TTC23L: variants seen among roughly 807,000 people sequenced by gnomAD.
TTC23L encodes tetratricopeptide repeat domain 23 like.
In TTC23L, 42 loss-of-function variants were observed where a neutral mutation model predicts 48.1. The ratio of observed to expected loss-of-function variants is 0.87; its 90% confidence interval spans 0.68 to 1.13. TTC23L has a LOEUF of 1.13. Among genes scored for constraint, TTC23L ranks in the 50% most tolerant of loss-of-function variants. The pLI is 0.00. For synonymous variants in TTC23L, 159 were observed against 157.2 expected, an observed-to-expected ratio of 1.01 and a Z score of -0.09; for missense variants, 391 against 421.0, an observed-to-expected ratio of 0.93 and a Z score of 0.62.
rs377752510 is a variant in TTC23L at position 34,864,539 on chromosome 5, C to T, written c.639C>T (p.Asn213=). The change falls in exon 6 of 11, where the codon AAC becomes AAT. Residue 213 remains asparagine (N), a synonymous_variant. Transcript: ENST00000505624. ...TTTGTGAATTACAAGTCTCTGAGAA[C>T]GACCTAACACTTGCTTTGGGCAGGT... 3.8e-5 allele frequency: 61 copies of T among 1,613,206 alleles called. No homozygotes were observed. In the East Asian group the frequency reaches 4.7e-4, roughly 12 times the overall value.
At position 34,896,759 on chromosome 5, in the gene TTC23L, A is replaced by G. The variant is rs1481569974; in HGVS notation, c.1078-11A>G. 1.3e-6 allele frequency: 1 copy of G among 769,710 alleles called. No individual in the cohort carries two copies. Among genetic ancestry groups the G allele is most frequent in the Non-Finnish European group, 2.4e-6 (1 of 412,780 alleles). 47.7% of individuals were successfully genotyped at this position (769,710 alleles called of 1,614,324 possible). A position where few individuals can be genotyped will look rare whatever the true frequency, so the allele number is the denominator to read the frequency against. On this transcript the variant is annotated splice_polypyrimidine_tract_variant and intron_variant, in intron 9 of 10. Coordinates refer to ENST00000505624, the Ensembl canonical transcript of TTC23L. Reference sequence around the variant, plus strand: ...TCATAGAGAGGGTGACATTTGAGCCATTTCTTAAAGGACAAGTAGCAGTTC... The same window carrying G: ...TCATAGAGAGGGTGACATTTGAGCCGTTTCTTAAAGGACAAGTAGCAGTTC...
Position 34,864,344 on chromosome 5 carries a change from T to G in TTC23L, c.537-93T>G, listed in dbSNP as rs926827917. ...GTACCCATTTTTAATATTGCTTCAC[T>G]TTTCCAAGAGCCCCTTTTGTTTCCT... On this transcript the variant is annotated intron_variant, in intron 5 of 10. Transcript: ENST00000505624. The G allele has an allele frequency of 4.8e-6, 7 of 1,472,002 alleles. No homozygotes were observed. The African/African-American group carries it at 9.9e-5, about 21-fold the overall frequency. 91.2% of individuals were successfully genotyped at this position (1,472,002 alleles called of 1,614,324 possible). A position where few individuals can be genotyped will look rare whatever the true frequency, so the allele number is the denominator to read the frequency against.
intron 9 of TTC23L, among the ~76,000 whole-genome samples, chr5:34,881,789 A>G (rs1015970995): frequency 1.4e-5 from 2 of 146,462 alleles, no homozygotes; most frequent in African/African-American, 2.5e-5. Flanking sequence ...TTTTTGAGAC[A>G]GAGTCACTCT....
chr5:34,900,680 A>G (rs555509107), downstream of TTC23L, among the ~76,000 whole-genome samples: 1 of 152,268 alleles, frequency 6.6e-6, no homozygotes, highest in East Asian at 1.9e-4. Flanking sequence ...TAATGTCATG[A>G]CTTCTACTTC....
chr5:34,845,466 T>G, intron 2 of TTC23L, 21 bp from the exon 3 acceptor site: 2 of 1,603,348 alleles, frequency 1.2e-6, no homozygotes, highest in Non-Finnish European at 1.7e-6. Context: ...TCCTGAATCC[T>G]TGCCTCTCTC....
At chr5:34,886,314 A>G (rs555164319) in intron 9 of TTC23L, among the ~76,000 whole-genome samples, 1 of 149,354 alleles carries the variant, frequency 6.7e-6, no homozygotes, top group African/African-American at 2.5e-5. Context: ...TTCTCCATAG[A>G]GCTCAGGGAA....
chr5:34,877,855 T>C (rs1761966291), intron 8 of TTC23L, among the ~76,000 whole-genome samples: 1 of 152,168 alleles, frequency 6.6e-6, no homozygotes. Flanking sequence ...GAAAAGGAAA[T>C]AAAAACTATA....
intron 9 of TTC23L, among the ~76,000 whole-genome samples, chr5:34,894,883 A>ATGATGATG (rs1561160710): frequency 2.0e-5 from 3 of 150,822 alleles, no homozygotes; most frequent in Non-Finnish European, 3.0e-5. Flanking sequence ...TGAGAGTGTT[A>ATGATGATG]ATGATGATGA....
intron 8 of TTC23L, among the ~76,000 whole-genome samples, chr5:34,872,056 T>A (rs1761502578): frequency 6.6e-6 from 1 of 150,440 alleles, no homozygotes; most frequent in South Asian, 2.1e-4. Flanking sequence ...GGTGAGAAGA[T>A]CACTTGAAGC....
intron 8 of TTC23L, among the ~76,000 whole-genome samples, chr5:34,870,137 T>A (rs1441855848): frequency 6.6e-6 from 1 of 151,910 alleles, no homozygotes; most frequent in African/African-American, 2.4e-5. Flanking sequence ...ATATACTAAT[T>A]TTTAACTTTA....
chr5:34,925,416 A>G, the TTC23L span: 6 of 1,613,890 alleles, frequency 3.7e-6, no homozygotes, highest in Non-Finnish European at 5.1e-6. Context: ...CCAAAAGTTG[A>G]TTTGAAAGCA....
intron 8 of TTC23L, among the ~76,000 whole-genome samples, chr5:34,870,438 T>C (rs1425059821): frequency 6.6e-6 from 1 of 152,170 alleles, no homozygotes; most frequent in Non-Finnish European, 1.5e-5. Flanking sequence ...AATAGACCCA[T>C]AACTATTTCT....
chr5:34,913,383 A>T, the TTC23L span: 1 of 699,602 alleles, frequency 1.4e-6, no homozygotes, highest in East Asian at 2.8e-5. Flanking sequence ...AGCTTTCTGA[A>T]CCAATGTTTA....
intron 4 of TTC23L, among the ~76,000 whole-genome samples, chr5:34,855,777 C>T (rs1016861058): frequency 6.6e-6 from 1 of 152,012 alleles, no homozygotes; most frequent in Admixed American, 6.6e-5. Context: ...GTTTATAATA[C>T]GCCTCTTTTT....
At position 34,896,951 on chromosome 5, in the gene TTC23L, T is replaced by A. The variant is rs1157086019; in HGVS notation, c.*97+76T>A. Reference sequence around the variant, plus strand: ...CAAGAAATGCTGATTCCAAGGGATGTGTGCCAGTTCTCTGGGGGAGGAAGA... The same window carrying A: ...CAAGAAATGCTGATTCCAAGGGATGAGTGCCAGTTCTCTGGGGGAGGAAGA... On this transcript the variant is annotated intron_variant, in intron 10 of 10. Transcript: ENST00000505624. 5.0e-6 allele frequency: 3 copies of A among 602,470 alleles called. No individual in the cohort carries two copies. In the African/African-American group the frequency reaches 5.5e-5, roughly 11 times the overall value. The allele number at this position is 602,470 out of a possible 1,614,324, so 37.3% of individuals were successfully genotyped here.
downstream of TTC23L, among the ~76,000 whole-genome samples, chr5:34,900,915 CAGT>C (rs372320338): frequency 1.4e-3 from 212 of 152,356 alleles, 1 homozygote; most frequent in East Asian, 0.018. Context: ...ACTGCCGCAG[CAGT>C]AGGAGGCAGC....
At chr5:34,876,440 A>G (rs1761835191) in intron 8 of TTC23L, among the ~76,000 whole-genome samples, 1 of 150,206 alleles carries the variant, frequency 6.7e-6, no homozygotes, top group South Asian at 2.1e-4. Context: ...TACAGATCCA[A>G]TGGACATTAA....
chr5:34,848,247 TG>T (rs1759375757), intron 3 of TTC23L, among the ~76,000 whole-genome samples: 1 of 152,196 alleles, frequency 6.6e-6, no homozygotes, highest in South Asian at 2.1e-4. Flanking sequence ...ATAATGGCTG[TG>T]TTTGTAAAGT....
At chr5:34,891,180 A>T (rs1762846185) in intron 9 of TTC23L, among the ~76,000 whole-genome samples, 1 of 152,226 alleles carries the variant, frequency 6.6e-6, no homozygotes, top group South Asian at 2.1e-4. Flanking sequence ...ATATGTCAGA[A>T]TGTTAAAATA....
Sources: allele counts gnomAD v4.1 joint callset (sites outside exome capture counted in the v4.1 genomes callset), GRCh38; gene constraint gnomAD v4.1.1; transcripts MANE v1.5; gene names NCBI Gene and HGNC (gene_info 2026-07-23, HGNC 2026-07-21).